The following ATRNL1 variants were observed in gnomAD, a reference collection of about 807,000 sequenced individuals.
ATRNL1 encodes attractin like 1.
ATRNL1 carries 95 observed loss-of-function variants against 182.7 expected under a neutral mutation model. The ratio of observed to expected loss-of-function variants is 0.52; its 90% confidence interval spans 0.44 to 0.62. The LOEUF (loss-of-function observed/expected upper bound fraction) is 0.62. ATRNL1 is among the 20% of genes least tolerant of loss of function. The pLI is 0.00. For missense variants in ATRNL1, 1,471 were observed against 1,679.5 expected, an observed-to-expected ratio of 0.88 and a Z score of 2.17; for synonymous variants, 576 against 568.3, an observed-to-expected ratio of 1.01 and a Z score of -0.19.
chr10:115,241,537 C>T, intron 9 of ATRNL1, 34 bp from the exon 10 acceptor site: 1 of 1,480,558 alleles, frequency 6.8e-7, no homozygotes. Context: ...GTCATTTTAT[C>T]CTTTGTAATA....
At chr10:115,676,520 G>A (rs1945865876) in intron 26 of ATRNL1, among the ~76,000 whole-genome samples, 1 of 151,894 alleles carries the variant, frequency 6.6e-6, no homozygotes, top group East Asian at 1.9e-4. Flanking sequence ...ATAATTTGGA[G>A]TGAGTGACTG....
At chr10:115,654,808 G>T (rs1860233400) in intron 26 of ATRNL1, among the ~76,000 whole-genome samples, 1 of 152,124 alleles carries the variant, frequency 6.6e-6, no homozygotes, top group African/African-American at 2.4e-5. Context: ...TGACATTTAT[G>T]TCCCCTCCCC....
chr10:115,809,543 T>G (rs1454128886), intron 27 of ATRNL1, among the ~76,000 whole-genome samples: 1 of 152,046 alleles, frequency 6.6e-6, no homozygotes, highest in Non-Finnish European at 1.5e-5. Flanking sequence ...TGTACCTAAA[T>G]TTTTGATACT....
intron 24 of ATRNL1, among the ~76,000 whole-genome samples, chr10:115,514,566 A>G (rs1392266360): frequency 2.0e-5 from 3 of 151,906 alleles, no homozygotes; most frequent in Non-Finnish European, 2.9e-5. Context: ...ACTTAGTTAT[A>G]TGGACCCACA....
At chr10:115,700,710 AG>A (rs1565299632) in intron 26 of ATRNL1, among the ~76,000 whole-genome samples, 1 of 152,096 alleles carries the variant, frequency 6.6e-6, no homozygotes. Context: ...AGGACAAAGA[AG>A]GGCATTATAT....
At chr10:115,321,721 T>A (rs1554931589) in intron 18 of ATRNL1, among the ~76,000 whole-genome samples, 3 of 149,414 alleles carry the variant, frequency 2.0e-5, no homozygotes. Flanking sequence ...AGATGCCCAC[T>A]TGCACCACTC....
chr10:115,148,754 T>G (rs915806096), intron 5 of ATRNL1, among the ~76,000 whole-genome samples: 3 of 149,990 alleles, frequency 2.0e-5, no homozygotes, highest in Non-Finnish European at 4.5e-5. Flanking sequence ...GTTTTTTTTT[T>G]TTTTTTTTTT....
chr10:115,589,811 G>A (rs560086555), intron 26 of ATRNL1, among the ~76,000 whole-genome samples: 9 of 152,102 alleles, frequency 5.9e-5, no homozygotes, highest in African/African-American at 1.2e-4. Flanking sequence ...GAGTATTAAC[G>A]AAAGATTACT....
intron 27 of ATRNL1, among the ~76,000 whole-genome samples, chr10:115,751,611 T>C (rs549006834): frequency 1.3e-5 from 2 of 152,126 alleles, no homozygotes; most frequent in South Asian, 2.1e-4. Context: ...CTATTTGTAA[T>C]AGCAAAAAAT....
chr10:115,748,736 T>C (rs1948363819), intron 27 of ATRNL1, among the ~76,000 whole-genome samples: 1 of 151,974 alleles, frequency 6.6e-6, no homozygotes. Context: ...CTGTCTACTC[T>C]CATATTTACT....
chr10:115,388,515 T>G (rs1341659060), intron 19 of ATRNL1, among the ~76,000 whole-genome samples: 1 of 152,152 alleles, frequency 6.6e-6, no homozygotes, highest in Non-Finnish European at 1.5e-5. Flanking sequence ...TTAGTTTTTC[T>G]GAGTCACTTG....
At chr10:115,420,618 A>G (rs1323718681) in intron 20 of ATRNL1, among the ~76,000 whole-genome samples, 2 of 152,178 alleles carry the variant, frequency 1.3e-5, no homozygotes, top group African/African-American at 4.8e-5. Context: ...AAATATCTCA[A>G]ATAAACAGCC....
At chr10:115,410,374 T>C (rs1845074554) in intron 20 of ATRNL1, among the ~76,000 whole-genome samples, 1 of 151,680 alleles carries the variant, frequency 6.6e-6, no homozygotes, top group Non-Finnish European at 1.5e-5. Context: ...TAGACTGGAG[T>C]GCAGTGGCAC....
At chr10:115,192,505 A>C (rs1848206708) in intron 8 of ATRNL1, among the ~76,000 whole-genome samples, 1 of 152,042 alleles carries the variant, frequency 6.6e-6, no homozygotes, top group Non-Finnish European at 1.5e-5. Context: ...ATGGCTTTGT[A>C]ATATAATTTC....
intron 28 of ATRNL1, among the ~76,000 whole-genome samples, chr10:115,912,764 C>T (rs1321062770): frequency 6.6e-6 from 1 of 152,032 alleles, no homozygotes; most frequent in African/African-American, 2.4e-5. Flanking sequence ...AAGGATGTCA[C>T]AAAATGTCAA....
chr10:115,684,042 CA>C (rs1946139014), intron 26 of ATRNL1, among the ~76,000 whole-genome samples: 1 of 151,546 alleles, frequency 6.6e-6, no homozygotes, highest in Non-Finnish European at 1.5e-5. Flanking sequence ...GGAATAGTAT[CA>C]GTATACTATT....
intron 27 of ATRNL1, among the ~76,000 whole-genome samples, chr10:115,840,457 G>C (rs1950780200): frequency 1.3e-5 from 2 of 152,132 alleles, no homozygotes; most frequent in South Asian, 4.1e-4. Flanking sequence ...AGTACTTACT[G>C]TGTGCTATAC....
intron 19 of ATRNL1, among the ~76,000 whole-genome samples, chr10:115,389,289 G>A (rs1843839976): frequency 6.6e-6 from 1 of 151,630 alleles, no homozygotes; most frequent in Admixed American, 6.6e-5. Flanking sequence ...GGCGGATCAT[G>A]AGGTCAGAAG....
At position 115,944,640 on chromosome 10, in the gene ATRNL1, T is replaced by C; in HGVS notation, c.4019-18T>C. On this transcript the variant is annotated intron_variant, in intron 28 of 28. Coordinates refer to ENST00000355044, the MANE Select transcript of ATRNL1 (RefSeq NM_207303.4). Reference sequence around the variant, plus strand: ...AATGTCTAAGCAAGCATTTAAATGCTTTTCTCTTTCCTTCCAGGCCTTGCA... The same window carrying C: ...AATGTCTAAGCAAGCATTTAAATGCCTTTCTCTTTCCTTCCAGGCCTTGCA... 6.3e-7 allele frequency: 1 copy of C among 1,590,634 alleles called. No individual in the cohort carries two copies. Among genetic ancestry groups the C allele is most frequent in the South Asian group, 1.2e-5 (1 of 86,760 alleles).
Sources: gnomAD v4.1 joint callset for allele counts (sites outside exome capture counted in the v4.1 genomes callset) on GRCh38, gnomAD v4.1.1 for gene constraint, MANE v1.5 for transcripts, NCBI Gene and HGNC (gene_info 2026-07-23, HGNC 2026-07-21) for gene names.